The following HCRTR2 variants were observed in gnomAD, a reference collection of about 807,000 sequenced individuals.
The protein encoded by HCRTR2 is orexin receptor type 2.
A neutral mutation model predicts 49.0 loss-of-function variants in HCRTR2; 22 were observed. That is an observed-to-expected ratio of 0.45 (90% CI 0.32 to 0.64). The LOEUF (loss-of-function observed/expected upper bound fraction) is 0.64, where lower values mean the gene tolerates loss of function less well. Ranked by LOEUF, HCRTR2 falls within the 30% of genes least tolerant of loss-of-function variation. HCRTR2 has a pLI of 0.04. For synonymous variants in HCRTR2, 236 were observed against 205.3 expected, an observed-to-expected ratio of 1.15 and a Z score of -1.28; for missense variants, 491 against 559.4, an observed-to-expected ratio of 0.88 and a Z score of 1.23.
rs112157258 is a variant in HCRTR2, at chr6:55,245,170, T to C, written c.224-3469T>C. Among the ~76,000 whole-genome samples the C allele has an allele frequency of 1.5e-3, 232 of 151,932 alleles. 3 individuals carry two copies. The highest frequency in any genetic ancestry group is 5.3e-3 in the African/African-American group (221 of 41,494). On this transcript the variant is annotated intron_variant, in intron 1 of 6. Coordinates refer to ENST00000370862, the MANE Select transcript of HCRTR2 (RefSeq NM_001384272.1). Reference sequence around the variant, plus strand: ...TTTGGGCATAGCCACAGTCTTTAAATATTTGAATGGACATAATGTGAAAAC... The same window carrying C: ...TTTGGGCATAGCCACAGTCTTTAAACATTTGAATGGACATAATGTGAAAAC...
intron 1 of HCRTR2, among the ~76,000 whole-genome samples, chr6:55,165,578 G>T (rs950017446): frequency 1.3e-5 from 2 of 151,560 alleles, no homozygotes; most frequent in African/African-American, 4.8e-5. Context: ...TCTTAAATAT[G>T]ATAAAATATG....
At chr6:55,213,073 A>G (rs1452451665) in intron 1 of HCRTR2, among the ~76,000 whole-genome samples, 1 of 148,478 alleles carries the variant, frequency 6.7e-6, no homozygotes, top group Non-Finnish European at 1.5e-5. Flanking sequence ...GTACATGAAA[A>G]AAAAGAGGAA....
At chr6:55,276,503 C>T (rs890308025) in intron 4 of HCRTR2, among the ~76,000 whole-genome samples, 3 of 152,070 alleles carry the variant, frequency 2.0e-5, no homozygotes, top group East Asian at 3.9e-4. Flanking sequence ...GCTAAGGTGG[C>T]CTTTTCTTGT....
chr6:55,148,756 T>C (rs1581795132), intron 1 of HCRTR2, among the ~76,000 whole-genome samples: 1 of 152,088 alleles, frequency 6.6e-6, no homozygotes, highest in African/African-American at 2.4e-5. Flanking sequence ...GGGATTCAGG[T>C]AATATATGTT....
intron 1 of HCRTR2, among the ~76,000 whole-genome samples, chr6:55,161,551 T>C (rs1213831977): frequency 2.6e-5 from 4 of 152,140 alleles, no homozygotes; most frequent in Non-Finnish European, 4.4e-5. Flanking sequence ...GAGCTGTTTT[T>C]TTTGAAAAGA....
chr6:55,183,621 A>G (rs1328177094), intron 1 of HCRTR2, among the ~76,000 whole-genome samples: 1 of 152,208 alleles, frequency 6.6e-6, no homozygotes, highest in Non-Finnish European at 1.5e-5. Context: ...AAATGCAGAG[A>G]ATAAATACAT....
Position 55,234,869 on chromosome 6 carries a change from A to G in HCRTR2, c.224-13770A>G, listed in dbSNP as rs184760262. ...ATATATAACTAACAGAAATTTGCAC[A>G]TATGTGTCAGAAGACGTACATAAGA... On this transcript the variant is annotated intron_variant, in intron 1 of 6. Transcript: ENST00000370862. Among the ~76,000 whole-genome samples, 220 of 152,254 alleles carry G rather than the reference A, an allele frequency of 1.4e-3. 1 individual carries two copies. Among genetic ancestry groups the G allele is most frequent in the African/African-American group, 5.1e-3 (212 of 41,568 alleles).
chr6:55,160,503 A>G (rs1460061665), intron 1 of HCRTR2, among the ~76,000 whole-genome samples: 1 of 152,204 alleles, frequency 6.6e-6, no homozygotes, highest in African/African-American at 2.4e-5. Context: ...CCTTAAATGT[A>G]ATAGGCTAAC....
At chr6:55,264,788 G>C (rs1007731873) in intron 4 of HCRTR2, among the ~76,000 whole-genome samples, 1 of 151,974 alleles carries the variant, frequency 6.6e-6, no homozygotes, top group African/African-American at 2.4e-5. Context: ...ACTTACTGCC[G>C]ATACTTACTT....
intron 1 of HCRTR2, among the ~76,000 whole-genome samples, chr6:55,211,482 TC>T: frequency 6.6e-6 from 1 of 152,292 alleles, no homozygotes; most frequent in South Asian, 2.1e-4. Flanking sequence ...ATAGACTTTT[TC>T]CCTCTCTTCT....
intron 1 of HCRTR2, among the ~76,000 whole-genome samples, chr6:55,145,588 T>A (rs375878479): frequency 6.6e-6 from 1 of 152,096 alleles, no homozygotes; most frequent in Non-Finnish European, 1.5e-5. Context: ...TTTTTGTTTT[T>A]GTATTTTTAG....
chr6:55,233,922 G>T (rs1302790859), intron 1 of HCRTR2, among the ~76,000 whole-genome samples: 1 of 152,150 alleles, frequency 6.6e-6, no homozygotes, highest in East Asian at 1.9e-4. Context: ...AATCAGTGTG[G>T]TTTGTAGCAG....
At chr6:55,237,284 A>G (rs539967466) in intron 1 of HCRTR2, among the ~76,000 whole-genome samples, 310 of 152,292 alleles carry the variant, frequency 2.0e-3, no homozygotes, top group Middle Eastern at 3.4e-3. Flanking sequence ...CTTCTTTCAC[A>G]GAGAATTTGC....
At chr6:55,265,144 C>T (rs1041713083) in intron 4 of HCRTR2, among the ~76,000 whole-genome samples, 2 of 152,008 alleles carry the variant, frequency 1.3e-5, no homozygotes, top group Non-Finnish European at 2.9e-5. Context: ...TGTTTCCCAT[C>T]ATTTTTTACT....
rs369628831 is a variant in HCRTR2 at position 55,163,422 on chromosome 6, A to G, written c.-377-10789A>G. On this transcript the variant is annotated intron_variant, in intron 1 of 7. Transcript: ENST00000615358. Reference sequence around the variant, plus strand: ...AAAACAGCATGGTATTGGTATGAAAACAGATATATAGACCAATGGAACAGA... The same window carrying G: ...AAAACAGCATGGTATTGGTATGAAAGCAGATATATAGACCAATGGAACAGA... Among the ~76,000 whole-genome samples the G allele has an allele frequency of 7.2e-5, 11 of 152,300 alleles. No homozygotes were observed. The East Asian group carries it at 1.5e-3, about 21-fold the overall frequency.
At chr6:55,163,166 G>A (rs1008297606) in intron 1 of HCRTR2, among the ~76,000 whole-genome samples, 1 of 152,010 alleles carries the variant, frequency 6.6e-6, no homozygotes, top group African/African-American at 2.4e-5. Context: ...GAACCCAGGA[G>A]ACGGAGCTTG....
intron 1 of HCRTR2, among the ~76,000 whole-genome samples, chr6:55,200,279 T>TGTGTGTG (rs1562004631): frequency 3.7e-5 from 4 of 109,414 alleles, no homozygotes; most frequent in South Asian, 2.8e-4. Context: ...GTGTGTGTGT[T>TGTGTGTG]TTTGAAACGG....
intron 1 of HCRTR2, among the ~76,000 whole-genome samples, chr6:55,150,004 G>A (rs1764642637): frequency 6.6e-6 from 1 of 151,832 alleles, no homozygotes; most frequent in Non-Finnish European, 1.5e-5. Context: ...ATCTTTTACA[G>A]AAGCACTAAG....
At chr6:55,118,864 T>G (rs1330817930) in intron 1 of HCRTR2, among the ~76,000 whole-genome samples, 1 of 151,860 alleles carries the variant, frequency 6.6e-6, no homozygotes, top group Non-Finnish European at 1.5e-5. Context: ...GGTATGCACA[T>G]GCCATGGTGG....
Sources: allele counts gnomAD v4.1 joint callset (sites outside exome capture counted in the v4.1 genomes callset), GRCh38; gene constraint gnomAD v4.1.1; transcripts MANE v1.5; gene names NCBI Gene and HGNC (gene_info 2026-07-23, HGNC 2026-07-21).